AKR1C8: variants seen among roughly 807,000 people sequenced by gnomAD.
AKR1C8 encodes the protein aldo-keto reductase family 1 member C-like protein 1.
chr10:5,147,470 C>A, the AKR1C8 span, among the ~76,000 whole-genome samples: 1 of 151,994 alleles, frequency 6.6e-6, no homozygotes, highest in African/African-American at 2.4e-5. Flanking sequence ...AAGTTATTTG[C>A]TTTTGAAGTA....
At chr10:5,142,943 A>G in the AKR1C8 span, among the ~76,000 whole-genome samples, 1 of 152,088 alleles carries the variant, frequency 6.6e-6, no homozygotes, top group Admixed American at 6.6e-5. Context: ...TCTTTGAAGG[A>G]CAAAAAAGTG....
At chr10:5,164,616 G>C in the AKR1C8 span, among the ~76,000 whole-genome samples, 1 of 152,108 alleles carries the variant, frequency 6.6e-6, no homozygotes, top group African/African-American at 2.4e-5. Flanking sequence ...GAATAGGGCA[G>C]CTGCCAGCCT....
chr10:5,116,378 G>A, the AKR1C8 span, among the ~76,000 whole-genome samples: 97,225 of 151,908 alleles, frequency 0.64, 31,954 homozygotes, highest in African/African-American at 0.7. Context: ...GTGAAGTCAC[G>A]GGAATAGGAA....
chr10:5,158,810 A>T, the AKR1C8 span: 1 of 447,102 alleles, frequency 2.2e-6, no homozygotes, highest in Non-Finnish European at 4.5e-6. Context: ...ACATTAATAG[A>T]TGTACTATAC....
At chr10:5,147,807 A>G in the AKR1C8 span, among the ~76,000 whole-genome samples, 2 of 152,140 alleles carry the variant, frequency 1.3e-5, no homozygotes, top group East Asian at 1.9e-4. Context: ...TCAAGCTGCC[A>G]AAGGGTCTGT....
chr10:5,134,404 A>C, the AKR1C8 span, among the ~76,000 whole-genome samples: 2 of 152,200 alleles, frequency 1.3e-5, no homozygotes, highest in Non-Finnish European at 2.9e-5. Flanking sequence ...CTTGGAATAC[A>C]CGTTTTCTTC....
the AKR1C8 span, among the ~76,000 whole-genome samples, chr10:5,177,550 A>C: frequency 6.6e-6 from 1 of 152,186 alleles, no homozygotes; most frequent in African/African-American, 2.4e-5. Context: ...TTTCAGAAGG[A>C]ATGGTACCAG....
the AKR1C8 span, chr10:5,161,835 C>G: frequency 2.1e-5 from 11 of 534,536 alleles, no homozygotes; most frequent in East Asian, 6.0e-4. Flanking sequence ...TTGGGCATAA[C>G]AAGGAAAAAC....
At chr10:5,147,968 C>G in the AKR1C8 span, among the ~76,000 whole-genome samples, 1 of 152,192 alleles carries the variant, frequency 6.6e-6, no homozygotes, top group Non-Finnish European at 1.5e-5. Flanking sequence ...TTCTGCCTGG[C>G]TCAGCGAAGC....
chr10:5,168,289 CCAAAGT>C, the AKR1C8 span, among the ~76,000 whole-genome samples: 1 of 151,988 alleles, frequency 6.6e-6, no homozygotes, highest in Non-Finnish European at 1.5e-5. Context: ...AGACAACTCC[CCAAAGT>C]CAGAGAAATG....
At chr10:5,123,941 C>A in the AKR1C8 span, 1 of 1,029,858 alleles carries the variant, frequency 9.7e-7, no homozygotes, top group Non-Finnish European at 1.4e-6. Flanking sequence ...TTTGAACTGA[C>A]AATATTACTG....
At chr10:5,135,064 C>T in the AKR1C8 span, 1 of 172,088 alleles carries the variant, frequency 5.8e-6, no homozygotes, top group Admixed American at 5.9e-5. Flanking sequence ...CACAGGAACA[C>T]AAAGCTAAAA....
chr10:5,180,424 G>C, the AKR1C8 span, among the ~76,000 whole-genome samples: 1 of 152,202 alleles, frequency 6.6e-6, no homozygotes, highest in Non-Finnish European at 1.5e-5. Flanking sequence ...GGGGGTTAGG[G>C]GTCAGGGACC....
the AKR1C8 span, among the ~76,000 whole-genome samples, chr10:5,167,899 A>T: frequency 6.6e-6 from 1 of 152,126 alleles, no homozygotes; most frequent in Admixed American, 6.6e-5. Context: ...TTTTATAGGA[A>T]TGTTCCAAAA....
chr10:5,140,753 T>C, the AKR1C8 span, among the ~76,000 whole-genome samples: 16 of 138,352 alleles, frequency 1.2e-4, no homozygotes, highest in Admixed American at 1.0e-3. Flanking sequence ...ATATGCAACA[T>C]ACCTGCACAT....
the AKR1C8 span, among the ~76,000 whole-genome samples, chr10:5,164,952 T>C: frequency 3.3e-5 from 5 of 152,150 alleles, no homozygotes; most frequent in Non-Finnish European, 7.3e-5. Context: ...TATAATGTTA[T>C]AGCATTTTTA....
At chr10:5,157,466 G>T in the AKR1C8 span, among the ~76,000 whole-genome samples, 1 of 152,266 alleles carries the variant, frequency 6.6e-6, no homozygotes. Context: ...ATAAACCTGA[G>T]GACTCTGAGT....
At chr10:5,151,164 C>A in the AKR1C8 span, among the ~76,000 whole-genome samples, 1 of 152,154 alleles carries the variant, frequency 6.6e-6, no homozygotes, top group East Asian at 1.9e-4. Context: ...GCTGATCTAT[C>A]AGGTTCAGGG....
At chr10:5,142,290 C>A in the AKR1C8 span, among the ~76,000 whole-genome samples, 1 of 152,030 alleles carries the variant, frequency 6.6e-6, no homozygotes, top group African/African-American at 2.4e-5. Context: ...ATCTTCTGTC[C>A]ACGTCATTAA....
Sources: allele counts gnomAD v4.1 joint callset (sites outside exome capture counted in the v4.1 genomes callset), GRCh38; gene constraint gnomAD v4.1.1; transcripts MANE v1.5; gene names NCBI Gene and HGNC (gene_info 2026-07-23, HGNC 2026-07-21).